TSHB: variants seen among roughly 807,000 people sequenced by gnomAD.
TSHB encodes thyroid stimulating hormone subunit beta.
A neutral mutation model predicts 9.3 loss-of-function variants in TSHB; 9 were observed. The ratio of observed to expected loss-of-function variants is 0.97; its 90% CI spans 0.58 to 1.69. TSHB has a LOEUF of 1.69. Ranked by LOEUF, TSHB falls within the 40% of genes most tolerant of loss-of-function variation. The pLI, the probability that TSHB is intolerant of heterozygous loss-of-function variation, is 0.00. For missense variants in TSHB, 182 were observed against 168.5 expected, an observed-to-expected ratio of 1.08 and a Z score of -0.44; for synonymous variants, 57 against 57.2, an observed-to-expected ratio of 1.00 and a Z score of 0.01.
chr1:115,033,005 C>CT (rs5777208), intron 1 of TSHB, among the ~76,000 whole-genome samples: 112,253 of 140,558 alleles, frequency 0.8, 44,880 homozygotes, highest in East Asian at 0.96. Context: ...TTGTGTCAAC[C>CT]TTTTTTTTTT....
chr1:115,034,201 T>A lies in TSHB; in HGVS notation c.391T>A (p.Ser131Thr), dbSNP rs1452186457. 3.7e-6 allele frequency: 6 copies of A among 1,613,644 alleles called. No individual in the cohort carries two copies. Among genetic ancestry groups the A allele is most frequent in the Non-Finnish European group, 5.1e-6 (6 of 1,179,758 alleles). Residue 131 changes from serine (S) to threonine (T), a missense_variant, in exon 3 of 3, where the codon TCT (serine) becomes ACT (threonine). Ser to Thr is a moderately conservative substitution (Grantham distance 58). Coordinates refer to ENST00000256592, the MANE Select transcript of TSHB (RefSeq NM_000549.5). ...AAACTACTGTACCAAACCTCAGAAG[T>A]CTTATCTGGTAGGATTTTCTGTCTA... The part of the protein sequence containing the change: ...KTNYCTKPQK[S>T]YLVGFSV
intron 1 of TSHB, 51 bp from the exon 2 acceptor site, chr1:115,033,311 T>C: frequency 6.3e-7 from 1 of 1,578,204 alleles, no homozygotes; most frequent in Non-Finnish European, 8.7e-7. Flanking sequence ...TTGGTTTCTT[T>C]GCCCTTTCTG....
chr1:115,034,200 G>A lies in TSHB; in HGVS notation c.390G>A (p.Lys130=). Residue 130 remains lysine (K), a synonymous_variant, in exon 3 of 3, where the codon AAG becomes AAA. Transcript: ENST00000256592. The part of the protein sequence containing the change: ...IKTNYCTKPQ[K]SYLVGFSV The stretch of plus-strand genomic sequence containing the variant: ...CAAACTACTGTACCAAACCTCAGAA[G>A]TCTTATCTGGTAGGATTTTCTGTCT... 1 of 1,613,722 alleles carries A rather than the reference G, an allele frequency of 6.2e-7. No homozygotes were observed. Among genetic ancestry groups the A allele is most frequent in the Non-Finnish European group, 8.5e-7 (1 of 1,179,734 alleles).
chr1:115,034,048 A>G lies in TSHB; in HGVS notation c.238A>G (p.Arg80Gly). ...DVCTYRDFIY[R>G]TVEIPGCPLH... ...TTGCACATATAGAGACTTCATCTACAGGACTGTAGAAATACCAGGATGCCC... is the reference window on the plus strand; with the variant it reads ...TTGCACATATAGAGACTTCATCTACGGGACTGTAGAAATACCAGGATGCCC... The change falls in exon 3 of 3, where the codon AGG (arginine) becomes GGG (glycine). Residue 80 changes from arginine (R) to glycine (G), a missense_variant. Physicochemically the swap from Arg to Gly is moderately radical, Grantham distance 125 (BLOSUM62 -2). Coordinates refer to ENST00000256592, the MANE Select transcript of TSHB (RefSeq NM_000549.5). 1 of 1,613,884 alleles carries G rather than the reference A, an allele frequency of 6.2e-7. No homozygotes were observed. Among genetic ancestry groups the G allele is most frequent in the Non-Finnish European group, 8.5e-7 (1 of 1,179,816 alleles).
intron 1 of TSHB, among the ~76,000 whole-genome samples, chr1:115,031,220 CA>C (rs1252005577): frequency 6.6e-6 from 1 of 151,960 alleles, no homozygotes; most frequent in Non-Finnish European, 1.5e-5. Flanking sequence ...CAAAGTTGTA[CA>C]GATACTGTGG....
chr1:115,029,998 A>G (rs778511248), intron 1 of TSHB, 138 bp downstream of exon 1: 3 of 152,550 alleles, frequency 2.0e-5, no homozygotes, highest in Non-Finnish European at 2.9e-5. Flanking sequence ...AATATCTTAA[A>G]TTACTGCTCC....
At chr1:115,030,838 T>G (rs1421279170) in intron 1 of TSHB, among the ~76,000 whole-genome samples, 1 of 152,052 alleles carries the variant, frequency 6.6e-6, no homozygotes, top group South Asian at 2.1e-4. Context: ...TATACAGCTA[T>G]GTGATCTTTC....
chr1:115,034,044 C>A lies in TSHB; in HGVS notation c.234C>A (p.Ile78=). ...SQDVCTYRDF[I]YRTVEIPGCP... The stretch of plus-strand genomic sequence containing the variant: ...ATGTTTGCACATATAGAGACTTCAT[C>A]TACAGGACTGTAGAAATACCAGGAT... The change falls in exon 3 of 3, where the codon ATC becomes ATA. Residue 78 remains isoleucine (I), a synonymous_variant. Transcript: ENST00000256592. 1 of 1,613,856 alleles carries A rather than the reference C, an allele frequency of 6.2e-7. No homozygotes were observed. Among genetic ancestry groups the A allele is most frequent in the Non-Finnish European group, 8.5e-7 (1 of 1,179,794 alleles).
rs1483565422 is a variant in TSHB at position 115,034,156 on chromosome 1, A to G, written c.346A>G (p.Ile116Val). 3.1e-6 allele frequency: 5 copies of G among 1,613,896 alleles called. 1 individual carries two copies. In the South Asian group the frequency reaches 3.3e-5, roughly 11 times the overall value. The change falls in exon 3 of 3, where the codon ATA (isoleucine) becomes GTA (valine). Residue 116 changes from isoleucine to valine, a missense_variant. Physicochemically the swap from Ile to Val is conservative, Grantham distance 29. Transcript: ENST00000256592. ...GTGCAATACTGACTATAGTGACTGC[A>G]TACATGAAGCCATCAAGACAAACTA... ...GKCNTDYSDC[I>V]HEAIKTNYCT...
At chr1:115,033,819 T>G in intron 2 of TSHB, 154 bp from the exon 3 acceptor site, 1 of 506,456 alleles carries the variant, frequency 2.0e-6, no homozygotes, top group Non-Finnish European at 2.5e-6. Flanking sequence ...GAATTCAACG[T>G]GGTTAAGTTG....
At chr1:115,033,019 T>G (rs1674929188) in intron 1 of TSHB, among the ~76,000 whole-genome samples, 1 of 150,182 alleles carries the variant, frequency 6.7e-6, no homozygotes, top group African/African-American at 2.5e-5. Context: ...TTTTTTTTTT[T>G]GCCTGTTAAT....
At chr1:115,031,421 C>T (rs927112036) in intron 1 of TSHB, among the ~76,000 whole-genome samples, 8 of 151,950 alleles carry the variant, frequency 5.3e-5, no homozygotes, top group African/African-American at 1.2e-4. Flanking sequence ...GGGGAAATAA[C>T]ACTCAAACAG....
rs1277069112 is a variant in TSHB, at chr1:115,034,154, G to A, written c.344G>A (p.Cys115Tyr). 6.2e-7 allele frequency: 1 copy of A among 1,613,828 alleles called. No homozygotes were observed. The highest frequency in any genetic ancestry group is 8.5e-7 in the Non-Finnish European group (1 of 1,179,796). Residue 115 changes from cysteine to tyrosine, a missense_variant, in exon 3 of 3, where the codon TGC becomes TAC. Physicochemically the swap from Cys to Tyr is radical, Grantham distance 194. Transcript: ENST00000256592. ...CGKCNTDYSD[C>Y]IHEAIKTNYC... is the part of the protein sequence containing the mutation. ...AAGTGCAATACTGACTATAGTGACT[G>A]CATACATGAAGCCATCAAGACAAAC...
In TSHB at chr1:115,033,705, T is replaced by C. The variant is rs1314232844; in HGVS notation, c.162+181T>C. 9 of 218,950 alleles carry C rather than the reference T, an allele frequency of 4.1e-5. No individual in the cohort carries two copies. In the South Asian group the frequency reaches 1.5e-3, roughly 36 times the overall value. The allele number at this position is 218,950 out of a possible 1,614,324, so 13.6% of individuals were successfully genotyped here. ...ATGTGAATCTACTCAGCACAATGGA[T>C]ACGCATAATTTTATAACAGTTTTGT... On this transcript the variant is annotated intron_variant, in intron 2 of 2. Coordinates refer to ENST00000256592, the MANE Select transcript of TSHB (RefSeq NM_000549.5).
In TSHB at chr1:115,030,430, G is replaced by T. The variant is rs540989531; in HGVS notation, c.-2+570G>T. On this transcript the variant is annotated intron_variant, in intron 1 of 2. Coordinates refer to ENST00000256592, the MANE Select transcript of TSHB (RefSeq NM_000549.5). ...TAGTGAAGTTCCAGGATTATTCATA[G>T]GATGGGCAATTAGTTCTTTTCATAG... 1.0e-3 allele frequency among the ~76,000 whole-genome samples: 158 copies of T among 152,070 alleles called. 2 individuals carry two copies. The highest frequency in any genetic ancestry group is 3.7e-3 in the African/African-American group (153 of 41,530).
chr1:115,033,614 C>T (rs1431352771), intron 2 of TSHB, 90 bp downstream of exon 2: 16 of 1,237,666 alleles, frequency 1.3e-5, no homozygotes, highest in Non-Finnish European at 1.2e-6. Context: ...AAATAAATCA[C>T]AACCTCATTT....
intron 1 of TSHB, 88 bp from the exon 2 acceptor site, chr1:115,033,274 G>A (rs1203271999): frequency 1.7e-6 from 2 of 1,172,852 alleles, no homozygotes; most frequent in African/African-American, 3.0e-5. Flanking sequence ...GCATTGGGAT[G>A]GTACTGAAGT....
chr1:115,034,030 T>A lies in TSHB; in HGVS notation c.220T>A (p.Tyr74Asn), dbSNP rs754106193. 6.2e-7 allele frequency: 1 copy of A among 1,613,828 alleles called. No homozygotes were observed. The highest frequency in any genetic ancestry group is 1.1e-5 in the South Asian group (1 of 91,080). ...KYALSQDVCT[Y>N]RDFIYRTVEI... is the part of the protein sequence containing the mutation. Reference sequence around the variant, plus strand: ...TGCTCTGTCCCAGGATGTTTGCACATATAGAGACTTCATCTACAGGACTGT... The same window carrying A: ...TGCTCTGTCCCAGGATGTTTGCACAAATAGAGACTTCATCTACAGGACTGT... The change falls in exon 3 of 3, where the codon TAT (tyrosine) becomes AAT (asparagine). Residue 74 changes from tyrosine to asparagine, a missense_variant. Coordinates refer to ENST00000256592, the MANE Select transcript of TSHB (RefSeq NM_000549.5).
chr1:115,033,338 T>A (rs1210233430), intron 1 of TSHB, 24 bp from the exon 2 acceptor site: 1 of 1,612,204 alleles, frequency 6.2e-7, no homozygotes, highest in Non-Finnish European at 8.5e-7. Flanking sequence ...ACAAATAGGT[T>A]CTTTAATTTT....
Sources: gnomAD v4.1 joint callset for allele counts (sites outside exome capture counted in the v4.1 genomes callset) on GRCh38, gnomAD v4.1.1 for gene constraint, MANE v1.5 for transcripts, NCBI Gene and HGNC (gene_info 2026-07-23, HGNC 2026-07-21) for gene names.